The following PIPOX variants were observed in gnomAD, a reference collection of about 807,000 sequenced individuals.
The protein encoded by PIPOX is pipecolic acid and sarcosine oxidase, also known as peroxisomal sarcosine oxidase.
A neutral mutation model predicts 47.9 loss-of-function variants in PIPOX; 45 were observed. The ratio of observed to expected loss-of-function variants is 0.94; its 90% CI spans 0.74 to 1.20. The LOEUF (loss-of-function observed/expected upper bound fraction) is 1.20. Among genes scored for constraint, PIPOX ranks in the 50% most tolerant of loss-of-function variants. The pLI, the probability that PIPOX is intolerant of heterozygous loss-of-function variation, is 0.00. For synonymous variants in PIPOX, 165 were observed against 191.3 expected (o/e 0.86, Z 1.13); for missense variants, 458 against 498.4 (o/e 0.92, Z 0.77).
chr17:29,053,245 T>A, intron 3 of PIPOX, 112 bp downstream of exon 3: 1 of 1,262,368 alleles, frequency 7.9e-7, no homozygotes, highest in Non-Finnish European at 1.1e-6. Context: ...CCTGCAGGCT[T>A]TAGTCTTGAC....
At position 29,053,130 on chromosome 17, in the gene PIPOX, G is replaced by C; in HGVS notation, c.474G>C (p.Leu158=). Residue 158 remains leucine, a synonymous_variant, in exon 3 of 8, where the codon CTG becomes CTC. Coordinates refer to ENST00000323372, the MANE Select transcript of PIPOX (RefSeq NM_016518.3). ...ATGCATATAAGGCCCTCAGAGCCCT[G>C]CAGGTAATGTCGTATAGCACTGGGG... is the stretch of plus-strand genomic sequence containing the variant. ...VIYAYKALRA[L]QDAIRQLGGI... 1 of 1,613,726 alleles carries C rather than the reference G, an allele frequency of 6.2e-7. No individual in the cohort carries two copies. The highest frequency in any genetic ancestry group is 1.1e-5 in the South Asian group (1 of 91,068).
chr17:29,045,038 G>A, intron 2 of PIPOX, 31 bp downstream of exon 2: 1 of 1,567,546 alleles, frequency 6.4e-7, no homozygotes, highest in Non-Finnish European at 8.7e-7. Context: ...CTTGAATCGT[G>A]GGGCTCTGCA....
Position 29,046,810 on chromosome 17 carries a change from C to T in PIPOX, c.263+1803C>T, listed in dbSNP as rs181396881. 3.2e-6 allele frequency: 3 copies of T among 952,038 alleles called. No homozygotes were observed. The Admixed American group carries it at 1.8e-4, about 59-fold the overall frequency. The allele number at this position is 952,038 out of a possible 1,614,324, so 59.0% of individuals were successfully genotyped here. ...GGCTCTAAATCTCAGCTCTGACACGCTCAGCTGTGTGGTTTGGAACGAGCT... is the reference window on the plus strand; with the variant it reads ...GGCTCTAAATCTCAGCTCTGACACGTTCAGCTGTGTGGTTTGGAACGAGCT... On this transcript the variant is annotated intron_variant, in intron 2 of 7. Coordinates refer to ENST00000323372, the MANE Select transcript of PIPOX (RefSeq NM_016518.3).
At chr17:29,047,437 C>T (rs2065789888) in intron 2 of PIPOX, among the ~76,000 whole-genome samples, 1 of 152,188 alleles carries the variant, frequency 6.6e-6, no homozygotes, top group Admixed American at 6.5e-5. Context: ...TAATGCAAAT[C>T]ACAGAATTAC....
intron 1 of PIPOX, 53 bp downstream of exon 1, chr17:29,043,392 C>T (rs1330528081): frequency 7.6e-7 from 1 of 1,318,110 alleles, no homozygotes; most frequent in African/African-American, 1.5e-5. Context: ...ACCCTCCTCC[C>T]CTGCAGAAGG....
rs541937726 is a variant in PIPOX at position 29,056,361 on chromosome 17, G to A, written c.*56G>A. ...AGGAGCCAGTTTCACAGATGGAGAA[G>A]ATGTCTCAGATGAAGGGAGTGTCCC... On this transcript the variant is annotated 3_prime_UTR_variant, in exon 8 of 8. Transcript: ENST00000323372. 99 of 1,600,316 alleles carry A rather than the reference G, an allele frequency of 6.2e-5. No homozygotes were observed. The highest frequency in any genetic ancestry group is 3.5e-4 in the Admixed American group (21 of 59,760).
intron 2 of PIPOX, 68 bp from the exon 3 acceptor site, chr17:29,052,852 C>CACTGAT: frequency 7.4e-7 from 1 of 1,348,352 alleles, no homozygotes; most frequent in Non-Finnish European, 1.1e-6. Context: ...GGATTACAGG[C>CACTGAT]GTGAGTCGTC....
In PIPOX at chr17:29,055,289, T is replaced by C. The variant is rs1020337406; in HGVS notation, c.966+68T>C. ...ACAGAAGGGAAGAAGGAGACAGACC[T>C]TGCACTGGCCAGGCCCGATTGTTTG... is the stretch of plus-strand genomic sequence containing the variant. On this transcript the variant is annotated intron_variant, in intron 6 of 7. Coordinates refer to ENST00000323372, the MANE Select transcript of PIPOX (RefSeq NM_016518.3). 12 of 1,576,878 alleles carry C rather than the reference T, an allele frequency of 7.6e-6. No homozygotes were observed. In the African/African-American group the frequency reaches 1.6e-4, roughly 21 times the overall value.
At chr17:29,051,465 T>C (rs1343739720) in intron 2 of PIPOX, among the ~76,000 whole-genome samples, 2 of 152,222 alleles carry the variant, frequency 1.3e-5, no homozygotes, top group Non-Finnish European at 2.9e-5. Context: ...GACTCCATTA[T>C]AGGCTATTAC....
Position 29,047,370 on chromosome 17 carries a change from A to G in PIPOX, c.263+2363A>G, listed in dbSNP as rs557476959. On this transcript the variant is annotated intron_variant, in intron 2 of 7. Transcript: ENST00000323372. Reference sequence around the variant, plus strand: ...GTACCTGACACCTATAACTCATTCCATTCTCCTCACAATCTTATGAGAGGG... The same window carrying G: ...GTACCTGACACCTATAACTCATTCCGTTCTCCTCACAATCTTATGAGAGGG... 4.6e-5 allele frequency among the ~76,000 whole-genome samples: 7 copies of G among 152,284 alleles called. No homozygotes were observed. The South Asian group carries it at 1.4e-3, about 32-fold the overall frequency.
rs1260770465 is a variant in PIPOX, at chr17:29,043,142, C to A, written c.-84C>A. ...GGAACACTGGCCAGGCTGGACTTTG[C>A]CTTCCTCCTCGTCCTTTAGCCGGGA... On this transcript the variant is annotated 5_prime_UTR_variant, in exon 1 of 8. Transcript: ENST00000323372. 5 of 1,054,144 alleles carry A rather than the reference C, an allele frequency of 4.7e-6. No homozygotes were observed. The highest frequency in any genetic ancestry group is 4.7e-5 in the African/African-American group (3 of 63,656). The allele number at this position is 1,054,144 out of a possible 1,614,324, so 65.3% of individuals were successfully genotyped here.
intron 2 of PIPOX, among the ~76,000 whole-genome samples, chr17:29,047,949 T>C (rs886507876): frequency 6.6e-6 from 1 of 152,190 alleles, no homozygotes; most frequent in Non-Finnish European, 1.5e-5. Context: ...TGATGTCTCA[T>C]AGCCCCAGTT....
chr17:29,053,168 T>C, intron 3 of PIPOX, 35 bp downstream of exon 3: 1 of 1,579,928 alleles, frequency 6.3e-7, no homozygotes. Context: ...ATGCAGGTGC[T>C]CCCTGCTCTG....
rs143595797 is a variant in PIPOX, at chr17:29,056,521, G to A, written c.*216G>A. 339 of 587,748 alleles carry A rather than the reference G, an allele frequency of 5.8e-4. 2 individuals carry two copies. The highest frequency in any genetic ancestry group is 5.6e-3 in the African/African-American group (298 of 53,654). The allele number at this position is 587,748 out of a possible 1,614,324, so 36.4% of individuals were successfully genotyped here. ...TCCCCCGTAAACACCAGACGATTGAGTCTACCTTCTTTTCTTGGCCACCTC... is the reference window on the plus strand; with the variant it reads ...TCCCCCGTAAACACCAGACGATTGAATCTACCTTCTTTTCTTGGCCACCTC... On this transcript the variant is annotated 3_prime_UTR_variant, in exon 8 of 8. Transcript: ENST00000323372.
In PIPOX at chr17:29,056,500, C is replaced by T. The variant is rs2065829030; in HGVS notation, c.*195C>T. ...TTTTCTTCTGCCTCACTTGAATCCCCCGTAAACACCAGACGATTGAGTCTA... is the reference window on the plus strand; with the variant it reads ...TTTTCTTCTGCCTCACTTGAATCCCTCGTAAACACCAGACGATTGAGTCTA... On this transcript the variant is annotated 3_prime_UTR_variant, in exon 8 of 8. Coordinates refer to ENST00000323372, the MANE Select transcript of PIPOX (RefSeq NM_016518.3). 1 of 625,046 alleles carries T rather than the reference C, an allele frequency of 1.6e-6. No individual in the cohort carries two copies. Among genetic ancestry groups the T allele is most frequent in the Admixed American group, 3.0e-5 (1 of 33,642 alleles). 38.7% of individuals were successfully genotyped at this position (625,046 alleles called of 1,614,324 possible). A position where few individuals can be genotyped will look rare whatever the true frequency, so the allele number is the denominator to read the frequency against.
At position 29,052,998 on chromosome 17, in the gene PIPOX, G is replaced by T. The variant is rs1027070434; in HGVS notation, c.342G>T (p.Arg114Ser). ...KTIQANLSRQ[R>S]VEHQCLSSEE... Reference sequence around the variant, plus strand: ...TCCAGGCCAATCTGTCGAGGCAGAGGGTAGAACACCAGTGTCTTTCATCTG... The same window carrying T: ...TCCAGGCCAATCTGTCGAGGCAGAGTGTAGAACACCAGTGTCTTTCATCTG... The change falls in exon 3 of 8, where the codon AGG becomes AGT. Residue 114 changes from arginine (R) to serine (S), a missense_variant. By Grantham distance (110) the Arg-to-Ser change is moderately radical (BLOSUM62 -1). Transcript: ENST00000323372. The T allele has an allele frequency of 4.3e-6, 7 of 1,614,244 alleles. No individual in the cohort carries two copies. The Admixed American group carries it at 6.7e-5, about 15-fold the overall frequency.
chr17:29,043,160 A>T lies in PIPOX; in HGVS notation c.-66A>T. The stretch of plus-strand genomic sequence containing the variant: ...GACTTTGCCTTCCTCCTCGTCCTTT[A>T]GCCGGGAGCCTGTCTTTGCTTGCCT... On this transcript the variant is annotated 5_prime_UTR_variant, in exon 1 of 8. Transcript: ENST00000323372. 1 of 1,288,352 alleles carries T rather than the reference A, an allele frequency of 7.8e-7. No individual in the cohort carries two copies. The highest frequency in any genetic ancestry group is 2.2e-4 in the Middle Eastern group (1 of 4,598). 79.8% of individuals were successfully genotyped at this position (1,288,352 alleles called of 1,614,324 possible).
intron 2 of PIPOX, 95 bp downstream of exon 2, chr17:29,045,102 C>A (rs111436134): frequency 4.4e-6 from 6 of 1,352,294 alleles, no homozygotes; most frequent in Non-Finnish European, 6.0e-6. Flanking sequence ...ATTTGGAATG[C>A]AATGGGAGGG....
In PIPOX at chr17:29,055,882, T is replaced by C; in HGVS notation, c.1036T>C (p.Phe346Leu). 1 of 1,613,918 alleles carries C rather than the reference T, an allele frequency of 6.2e-7. No homozygotes were observed. The highest frequency in any genetic ancestry group is 8.5e-7 in the Non-Finnish European group (1 of 1,179,774). The change falls in exon 7 of 8, where the codon TTC becomes CTC. Residue 346 changes from phenylalanine (F) to leucine (L), a missense_variant. Transcript: ENST00000323372. ...TGACAACATTGTCATTGGTGCTGGA[T>C]TCTCTGGTGAGTCTGAGCTGGGGGG... ...KYDNIVIGAG[F>L]SGHGFKLAPV...
Sources: allele counts gnomAD v4.1 joint callset (sites outside exome capture counted in the v4.1 genomes callset), GRCh38; gene constraint gnomAD v4.1.1; transcripts MANE v1.5; gene names NCBI Gene and HGNC (gene_info 2026-07-23, HGNC 2026-07-21).